DPP6: variants seen among roughly 807,000 people sequenced by gnomAD.
DPP6 encodes dipeptidyl peptidase like 6, also known as A-type potassium channel modulatory protein DPP6.
Under a neutral mutation model 122.6 loss-of-function variants are expected in DPP6, and 69 were observed. The ratio of observed to expected loss-of-function variants is 0.56; its 90% CI spans 0.46 to 0.69. DPP6 has a LOEUF of 0.69. Among genes scored for constraint, DPP6 ranks in the 30% least tolerant of loss-of-function variants. DPP6 has a pLI of 0.00. For synonymous variants in DPP6, 418 were observed against 433.1 expected (o/e 0.97, Z 0.43); for missense variants, 928 against 1,116.9 (o/e 0.83, Z 2.41).
intron 9 of DPP6, among the ~76,000 whole-genome samples, chr7:154,772,553 T>A (rs922149912): frequency 3.1e-4 from 47 of 152,086 alleles, no homozygotes; most frequent in African/African-American, 1.1e-3. Flanking sequence ...CTTCTCGTCT[T>A]CTCTTTTAAG....
rs530530695 is a variant in DPP6, at chr7:154,225,905, T to C, written c.243+172842T>C. Among the ~76,000 whole-genome samples, 138 of 152,250 alleles carry C rather than the reference T, an allele frequency of 9.1e-4. 1 individual carries two copies. The highest frequency in any genetic ancestry group is 3.2e-3 in the African/African-American group (132 of 41,532). On this transcript the variant is annotated intron_variant, in intron 1 of 25. Transcript: ENST00000377770. ...TTTAACTTCGTATAGCAAGCAATGC[T>C]TCAAAGCAACCTCACAGTTTTGGTC...
At chr7:154,480,028 C>T (rs1563736560) in intron 3 of DPP6, among the ~76,000 whole-genome samples, 1 of 152,058 alleles carries the variant, frequency 6.6e-6, no homozygotes, top group Non-Finnish European at 1.5e-5. Flanking sequence ...CGCCCCTGCC[C>T]CGCCCCACAG....
At chr7:154,396,706 G>C (rs974915963) in intron 1 of DPP6, among the ~76,000 whole-genome samples, 3 of 152,242 alleles carry the variant, frequency 2.0e-5, no homozygotes, top group Non-Finnish European at 4.4e-5. Flanking sequence ...CACTTTGGGA[G>C]GCCAAGGTGG....
chr7:154,098,946 A>G (rs538061519), intron 1 of DPP6, among the ~76,000 whole-genome samples: 67 of 152,370 alleles, frequency 4.4e-4, no homozygotes, highest in African/African-American at 1.2e-3. Context: ...AATCATGCCA[A>G]TCTGCTCATA....
intron 10 of DPP6, among the ~76,000 whole-genome samples, chr7:154,793,102 C>T (rs745408523): frequency 2.0e-5 from 3 of 152,142 alleles, no homozygotes; most frequent in East Asian, 1.9e-4. Context: ...GTAGTGAGGT[C>T]GCTCTCTGGC....
At chr7:154,472,833 T>C (rs1822398461) in intron 2 of DPP6, among the ~76,000 whole-genome samples, 1 of 152,202 alleles carries the variant, frequency 6.6e-6, no homozygotes, top group Non-Finnish European at 1.5e-5. Flanking sequence ...TGATAGCATA[T>C]ATCATAATGC....
intron 1 of DPP6, among the ~76,000 whole-genome samples, chr7:154,086,439 G>A (rs1448516518): frequency 1.4e-5 from 2 of 147,796 alleles, no homozygotes; most frequent in East Asian, 3.9e-4. Flanking sequence ...GGGCACTGTG[G>A]TGAGCCCTGG....
chr7:154,794,347 A>T, intron 11 of DPP6, 145 bp downstream of exon 11: 1 of 1,351,884 alleles, frequency 7.4e-7, no homozygotes, highest in Non-Finnish European at 9.7e-7. Flanking sequence ...CGCGGCGCAG[A>T]GTCCCGGCTC....
intron 1 of DPP6, among the ~76,000 whole-genome samples, chr7:154,156,497 A>G (rs1240179805): frequency 6.6e-6 from 1 of 152,242 alleles, no homozygotes; most frequent in African/African-American, 2.4e-5. Context: ...CCATTAAGTA[A>G]GTGGAGTTGA....
intron 1 of DPP6, among the ~76,000 whole-genome samples, chr7:154,102,235 G>A (rs1805787260): frequency 1.3e-5 from 2 of 151,922 alleles, no homozygotes; most frequent in African/African-American, 2.4e-5. Context: ...GCCCAGGCTG[G>A]AGTGCAATGA....
At chr7:154,366,052 C>G (rs1359506291) in intron 1 of DPP6, among the ~76,000 whole-genome samples, 1 of 151,910 alleles carries the variant, frequency 6.6e-6, no homozygotes, top group Non-Finnish European at 1.5e-5. Flanking sequence ...CTGACAGGTT[C>G]CATAGACTCC....
At chr7:154,832,848 T>C (rs1800738972) in intron 16 of DPP6, among the ~76,000 whole-genome samples, 1 of 152,216 alleles carries the variant, frequency 6.6e-6, no homozygotes, top group African/African-American at 2.4e-5. Context: ...TCCCAGGGAA[T>C]GGTGTTGCCT....
intron 1 of DPP6, among the ~76,000 whole-genome samples, chr7:154,023,718 G>A (rs1343314030): frequency 2.0e-5 from 3 of 152,108 alleles, no homozygotes; most frequent in Admixed American, 2.0e-4. Context: ...CTGATCTCAG[G>A]TGATTCGCTC....
chr7:154,672,450 A>T (rs866432569), intron 7 of DPP6, among the ~76,000 whole-genome samples: 13 of 152,230 alleles, frequency 8.5e-5, no homozygotes, highest in Admixed American at 2.0e-4. Context: ...AAACAGATTG[A>T]TTAATTCATT....
At chr7:154,387,402 A>C (rs1353670949) in intron 1 of DPP6, among the ~76,000 whole-genome samples, 1 of 152,274 alleles carries the variant, frequency 6.6e-6, no homozygotes, top group Non-Finnish European at 1.5e-5. Context: ...CTAGGAGACT[A>C]TAGGTGGGTT....
chr7:154,667,337 T>C (rs76101421), intron 6 of DPP6, among the ~76,000 whole-genome samples: 192 of 152,336 alleles, frequency 1.3e-3, no homozygotes, highest in African/African-American at 4.4e-3. Context: ...TAATCTTAAT[T>C]TCTGGCTCCT....
At chr7:154,239,513 A>C (rs1271282605) in intron 1 of DPP6, among the ~76,000 whole-genome samples, 4 of 152,166 alleles carry the variant, frequency 2.6e-5, no homozygotes, top group Non-Finnish European at 5.9e-5. Flanking sequence ...AGGATTTTTT[A>C]ATAACATTTC....
intron 5 of DPP6, among the ~76,000 whole-genome samples, chr7:154,608,178 C>A (rs28776593): frequency 0.4 from 59,910 of 149,138 alleles, 12,997 homozygotes; most frequent in East Asian, 0.65. Context: ...ATGGGGTTTC[C>A]CTGTGTTAGC....
At position 154,228,601 on chromosome 7, in the gene DPP6, A is replaced by G. The variant is rs537496654; in HGVS notation, c.243+175538A>G. Among the ~76,000 whole-genome samples the G allele has an allele frequency of 1.6e-4, 25 of 152,328 alleles. No individual in the cohort carries two copies. The East Asian group carries it at 1.9e-3, about 12-fold the overall frequency. On this transcript the variant is annotated intron_variant, in intron 1 of 25. Coordinates refer to ENST00000377770, the MANE Select transcript of DPP6 (RefSeq NM_130797.4). ...CTCTTCATTTTAGTAAGAACCTAAG[A>G]TATTGTCCTAAGCTTACAATTGCAG...
Sources: allele counts gnomAD v4.1 joint callset (sites outside exome capture counted in the v4.1 genomes callset), GRCh38; gene constraint gnomAD v4.1.1; transcripts MANE v1.5; gene names NCBI Gene and HGNC (gene_info 2026-07-23, HGNC 2026-07-21).